TMEM132B: variants seen among roughly 807,000 people sequenced by gnomAD.
The protein encoded by TMEM132B is transmembrane protein 132B.
A neutral mutation model predicts 90.8 loss-of-function variants in TMEM132B; 18 were observed. That is an observed-to-expected ratio of 0.20 (90% CI 0.14 to 0.29). The LOEUF (loss-of-function observed/expected upper bound fraction) is 0.29, where lower values mean the gene tolerates loss of function less well. TMEM132B is among the 10% of genes least tolerant of loss of function. The pLI, the probability that TMEM132B is intolerant of heterozygous loss-of-function variation, is 1.00. For missense variants in TMEM132B, 1,096 were observed against 1,326.8 expected (o/e 0.83, Z 2.70); for synonymous variants, 504 against 523.3 (o/e 0.96, Z 0.50).
At chr12:125,354,847 G>T (rs1196346468) in intron 2 of TMEM132B, among the ~76,000 whole-genome samples, 3 of 152,108 alleles carry the variant, frequency 2.0e-5, no homozygotes, top group Non-Finnish European at 4.4e-5. Flanking sequence ...ATGTGTACTT[G>T]TCCCAGGTTC....
chr12:125,513,505 G>A (rs1445429980), intron 3 of TMEM132B, among the ~76,000 whole-genome samples: 1 of 152,152 alleles, frequency 6.6e-6, no homozygotes, highest in Non-Finnish European at 1.5e-5. Flanking sequence ...TAACTGGGGT[G>A]GTCAGAGGAG....
chr12:125,505,056 G>A (rs1257275082), intron 3 of TMEM132B, among the ~76,000 whole-genome samples: 1 of 149,402 alleles, frequency 6.7e-6, no homozygotes, highest in Non-Finnish European at 1.5e-5. Flanking sequence ...TCAGACATGT[G>A]TAATAGAATC....
chr12:125,640,865 T>C (rs551517567), intron 5 of TMEM132B, among the ~76,000 whole-genome samples: 18 of 152,190 alleles, frequency 1.2e-4, no homozygotes, highest in African/African-American at 3.6e-4. Flanking sequence ...TTATTTGAGA[T>C]AGTTATAAAA....
chr12:125,331,777 G>A (rs531968180), intron 1 of TMEM132B, among the ~76,000 whole-genome samples: 6 of 152,320 alleles, frequency 3.9e-5, no homozygotes, highest in Non-Finnish European at 7.4e-5. Context: ...ATTTGGAGAT[G>A]CGGTGTTGCT....
chr12:125,619,195 C>G (rs755470207), intron 5 of TMEM132B, among the ~76,000 whole-genome samples: 3 of 152,110 alleles, frequency 2.0e-5, no homozygotes, highest in Non-Finnish European at 4.4e-5. Flanking sequence ...GATTGGTACT[C>G]GGAATCTCTG....
intron 2 of TMEM132B, among the ~76,000 whole-genome samples, chr12:125,386,807 A>G (rs1878847907): frequency 6.6e-6 from 1 of 152,234 alleles, no homozygotes; most frequent in Non-Finnish European, 1.5e-5. Flanking sequence ...AGAACAGTTC[A>G]CCAAATGCAT....
At chr12:125,255,213 G>A (rs1210883139) in intron 1 of TMEM132B, among the ~76,000 whole-genome samples, 1 of 152,038 alleles carries the variant, frequency 6.6e-6, no homozygotes, top group African/African-American at 2.4e-5. Context: ...GAGGGTGGCA[G>A]CTTGCGGAGC....
chr12:125,378,341 G>A (rs1328260725), intron 2 of TMEM132B, among the ~76,000 whole-genome samples: 1 of 152,182 alleles, frequency 6.6e-6, no homozygotes, highest in Non-Finnish European at 1.5e-5. Flanking sequence ...ATATCAGCTG[G>A]AGTGCATTTG....
At chr12:125,577,021 G>C (rs1884957291) in intron 4 of TMEM132B, among the ~76,000 whole-genome samples, 1 of 150,234 alleles carries the variant, frequency 6.7e-6, no homozygotes, top group African/African-American at 2.4e-5. Context: ...GCTGGGAACT[G>C]TTTCATCTTC....
chr12:125,464,132 C>T (rs1881506534), intron 3 of TMEM132B, among the ~76,000 whole-genome samples: 1 of 152,144 alleles, frequency 6.6e-6, no homozygotes, highest in Non-Finnish European at 1.5e-5. Flanking sequence ...ATCATGTCAC[C>T]ATCCATTTAA....
chr12:125,432,489 ATGTG>A lies in TMEM132B; in HGVS notation c.1106+16814_1106+16817del, dbSNP rs1474535646. On this transcript the variant is annotated intron_variant, in intron 3 of 8. Transcript: ENST00000682704. ...TATATATGTATGTGTATATATATGT[ATGTG>A]TATATATATGTGTGTGTGTATATAT... Among the ~76,000 whole-genome samples, 23 of 64,162 alleles carry A rather than the reference ATGTG, an allele frequency of 3.6e-4. 5 individuals carry two copies. Among genetic ancestry groups the A allele is most frequent in the East Asian group, 1.7e-3 (4 of 2,388 alleles). 42.1% of individuals were successfully genotyped at this position (64,162 alleles called of 152,430 possible).
chr12:125,307,938 ACT>A (rs1025142420), intron 1 of TMEM132B, among the ~76,000 whole-genome samples: 1 of 135,176 alleles, frequency 7.4e-6, no homozygotes, highest in Non-Finnish European at 1.5e-5. Context: ...CTTAATATAT[ACT>A]TATATTACAA....
intron 1 of TMEM132B, among the ~76,000 whole-genome samples, chr12:125,282,726 CT>C (rs1162581901): frequency 6.6e-6 from 1 of 152,180 alleles, no homozygotes; most frequent in African/African-American, 2.4e-5. Flanking sequence ...GTCCCTAAAT[CT>C]TTTGACCTCT....
intron 1 of TMEM132B, among the ~76,000 whole-genome samples, chr12:125,273,725 G>A (rs1374884141): frequency 6.6e-6 from 1 of 152,176 alleles, no homozygotes; most frequent in Non-Finnish European, 1.5e-5. Flanking sequence ...GAGTGCAGTG[G>A]TGCGATCTTG....
chr12:125,464,609 G>T lies in TMEM132B; in HGVS notation c.1106+48932G>T, dbSNP rs1277270716. On this transcript the variant is annotated intron_variant, in intron 3 of 8. Transcript: ENST00000682704. ...CCTGAGCAGGTGCTCAGTGACTGAA[G>T]TATTAATAGTAACTTTCTTGTCTTC... Among the ~76,000 whole-genome samples, 5 of 152,272 alleles carry T rather than the reference G, an allele frequency of 3.3e-5. No homozygotes were observed. In the East Asian group the frequency reaches 9.7e-4, roughly 29 times the overall value.
chr12:125,263,484 C>T (rs951167120), intron 1 of TMEM132B, among the ~76,000 whole-genome samples: 1 of 152,170 alleles, frequency 6.6e-6, no homozygotes, highest in Non-Finnish European at 1.5e-5. Context: ...TTGGCGAGGA[C>T]GTTGTGTTTT....
At chr12:125,258,376 G>T (rs1433400867) in intron 1 of TMEM132B, among the ~76,000 whole-genome samples, 1 of 152,172 alleles carries the variant, frequency 6.6e-6, no homozygotes, top group Non-Finnish European at 1.5e-5. Flanking sequence ...AAGGCTCTAT[G>T]CTGGTGGTGA....
intron 4 of TMEM132B, among the ~76,000 whole-genome samples, chr12:125,558,328 A>C (rs2158523): frequency 0.061 from 9,273 of 152,234 alleles, 371 homozygotes; most frequent in African/African-American, 0.11. Context: ...AAGAACTTAC[A>C]GGTTTCTTAG....
At chr12:125,309,919 G>C (rs1193955762) in intron 1 of TMEM132B, among the ~76,000 whole-genome samples, 1 of 152,158 alleles carries the variant, frequency 6.6e-6, no homozygotes, top group Non-Finnish European at 1.5e-5. Flanking sequence ...AGTCATCTCA[G>C]GGCTCACTCG....
Sources: gnomAD v4.1 joint callset for allele counts (sites outside exome capture counted in the v4.1 genomes callset) on GRCh38, gnomAD v4.1.1 for gene constraint, MANE v1.5 for transcripts, NCBI Gene and HGNC (gene_info 2026-07-23, HGNC 2026-07-21) for gene names.